The following PDS5A variants were observed in gnomAD, a reference collection of about 807,000 sequenced individuals.
PDS5A encodes the protein PDS5 cohesin associated factor A.
In PDS5A, 42 loss-of-function variants were observed where a neutral mutation model predicts 167.1. That is an observed-to-expected ratio of 0.25 (90% CI 0.20 to 0.33). The LOEUF is 0.33. Ranked by LOEUF, PDS5A falls within the 10% of genes least tolerant of loss-of-function variation. PDS5A has a pLI of 1.00. For missense variants in PDS5A, 1,033 were observed against 1,605.9 expected (o/e 0.64, Z 6.10); for synonymous variants, 553 against 554.6 (o/e 1.00, Z 0.04).
rs1560402812 is a variant in PDS5A at position 39,824,690 on chromosome 4, G to C, written c.*795C>G. ...TCCAAATATTCCAACATAATCACAG[G>C]AGTAAAAACCATTTTAAAGTGATAT... is the stretch of plus-strand genomic sequence containing the variant. On this transcript the variant is annotated 3_prime_UTR_variant, in exon 33 of 33. Transcript: ENST00000303538. The C allele has an allele frequency of 6.6e-6, 1 of 152,356 alleles. No individual in the cohort carries two copies. The highest frequency in any genetic ancestry group is 2.4e-5 in the African/African-American group (1 of 41,352). The allele number at this position is 152,356 out of a possible 1,614,324, so 9.4% of individuals were successfully genotyped here.
At chr4:39,972,058 A>C (rs1027396562) in intron 2 of PDS5A, among the ~76,000 whole-genome samples, 1 of 152,186 alleles carries the variant, frequency 6.6e-6, no homozygotes, top group Non-Finnish European at 1.5e-5. Flanking sequence ...ATGAACGTCG[A>C]TTTTAACTTC....
At chr4:39,930,246 A>AAGGTTTTTT in intron 2 of PDS5A, among the ~76,000 whole-genome samples, 1 of 93,090 alleles carries the variant, frequency 1.1e-5, no homozygotes, top group Non-Finnish European at 2.2e-5. Flanking sequence ...AAAAAAAAAA[A>AAGGTTTTTT]GTTTTTTTGT....
At chr4:39,908,020 G>A (rs1723548144) in intron 11 of PDS5A, among the ~76,000 whole-genome samples, 1 of 152,144 alleles carries the variant, frequency 6.6e-6, no homozygotes, top group African/African-American at 2.4e-5. Context: ...TCAATGAATG[G>A]CAGACCCAGC....
At chr4:39,899,335 T>A (rs1024216086) in intron 14 of PDS5A, among the ~76,000 whole-genome samples, 1 of 152,186 alleles carries the variant, frequency 6.6e-6, no homozygotes, top group African/African-American at 2.4e-5. Context: ...ACATTACTTA[T>A]TAGTTTTCAT....
At chr4:39,976,361 G>T in intron 2 of PDS5A, 79 bp downstream of exon 2, 1 of 1,260,086 alleles carries the variant, frequency 7.9e-7, no homozygotes, top group Non-Finnish European at 1.1e-6. Flanking sequence ...GAACTTTAAA[G>T]GCCAGACTGA....
chr4:39,862,662 G>T (rs973511381), intron 25 of PDS5A, among the ~76,000 whole-genome samples: 1 of 152,020 alleles, frequency 6.6e-6, no homozygotes, highest in Non-Finnish European at 1.5e-5. Flanking sequence ...GATCCCATAG[G>T]AAAAATGCAG....
chr4:39,900,462 A>C lies in PDS5A; in HGVS notation c.1545T>G (p.His515Gln). 1 of 1,584,862 alleles carries C rather than the reference A, an allele frequency of 6.3e-7. No individual in the cohort carries two copies. The highest frequency in any genetic ancestry group is 8.6e-7 in the Non-Finnish European group (1 of 1,163,652). Residue 515 changes from histidine (H) to glutamine (Q), a missense_variant, in exon 14 of 33, where the codon CAT becomes CAG. His to Gln is a conservative substitution (Grantham distance 24, BLOSUM62 0). This residue lies in a region of PDS5A where 45 missense variants were observed against 40.2 expected (regional missense o/e 1.12). Coordinates refer to ENST00000303538, the MANE Select transcript of PDS5A (RefSeq NM_001100399.2). ...MWKCQNMLRS[H>Q]VRELLDLHKQ... ...TGTGCAAATCCAATAGTTCGCGTACATGGCTCCGAAGCATGTTCTGACACT... is the reference window on the plus strand; with the variant it reads ...TGTGCAAATCCAATAGTTCGCGTACCTGGCTCCGAAGCATGTTCTGACACT...
chr4:39,848,530 T>C, intron 28 of PDS5A: 1 of 296,864 alleles, frequency 3.4e-6, no homozygotes, highest in South Asian at 3.3e-5. Flanking sequence ...CTCCTTACAC[T>C]GTGCCAAAGA....
At chr4:39,958,304 C>G (rs1247435071) in intron 2 of PDS5A, among the ~76,000 whole-genome samples, 2 of 151,914 alleles carry the variant, frequency 1.3e-5, no homozygotes, top group Non-Finnish European at 2.9e-5. Context: ...GTCAGGAGTT[C>G]AAGGTCAGCC....
At chr4:39,927,178 C>T (rs73229713) in intron 3 of PDS5A, among the ~76,000 whole-genome samples, 14,643 of 152,156 alleles carry the variant, frequency 0.096, 888 homozygotes, top group East Asian at 0.22. Flanking sequence ...CACCTTGCAT[C>T]GGGGCAAAAA....
rs1012356876 is a variant in PDS5A, at chr4:39,876,922, G to A, written c.2153+71C>T. On this transcript the variant is annotated intron_variant, in intron 19 of 32. Transcript: ENST00000303538. Reference sequence around the variant, plus strand: ...TCCCTCCTATCTTCCTACACAGAAGGAAAACAATGATTTTATGGTTCCCAT... The same window carrying A: ...TCCCTCCTATCTTCCTACACAGAAGAAAAACAATGATTTTATGGTTCCCAT... The A allele has an allele frequency of 4.3e-6, 5 of 1,175,172 alleles. No homozygotes were observed. In the East Asian group the frequency reaches 7.4e-5, roughly 17 times the overall value. The allele number at this position is 1,175,172 out of a possible 1,614,324, so 72.8% of individuals were successfully genotyped here. A position where few individuals can be genotyped will look rare whatever the true frequency, so the allele number is the denominator to read the frequency against.
chr4:39,883,204 T>G (rs898058526), intron 17 of PDS5A, among the ~76,000 whole-genome samples: 1 of 152,140 alleles, frequency 6.6e-6, no homozygotes, highest in Middle Eastern at 3.2e-3. Context: ...AAGAAGAAGA[T>G]GGAGTCTCAC....
chr4:39,961,425 T>G (rs573899542), intron 2 of PDS5A, among the ~76,000 whole-genome samples: 3 of 152,042 alleles, frequency 2.0e-5, no homozygotes, highest in Admixed American at 2.0e-4. Flanking sequence ...TGCCCGCTAA[T>G]TTTTTTTGTA....
intron 2 of PDS5A, among the ~76,000 whole-genome samples, chr4:39,964,297 C>T (rs1729771853): frequency 6.6e-6 from 1 of 152,034 alleles, no homozygotes; most frequent in South Asian, 2.1e-4. Flanking sequence ...GCTAGAGGTT[C>T]AAATGGAGGT....
chr4:39,841,837 G>C, intron 31 of PDS5A, 111 bp downstream of exon 31: 1 of 646,382 alleles, frequency 1.5e-6, no homozygotes, highest in Non-Finnish European at 2.8e-6. Flanking sequence ...ATACACACAA[G>C]TTTAAAATGT....
intron 13 of PDS5A, 25 bp downstream of exon 13, chr4:39,902,322 A>G (rs762695765): frequency 1.0e-6 from 1 of 1,004,000 alleles, no homozygotes; most frequent in Non-Finnish European, 1.5e-6. Context: ...TAGAAAATAC[A>G]GCAGTTATTT....
intron 31 of PDS5A, 27 bp from the exon 32 acceptor site, chr4:39,838,235 A>G (rs1184773645): frequency 7.2e-7 from 1 of 1,387,226 alleles, no homozygotes; most frequent in Non-Finnish European, 9.7e-7. Flanking sequence ...CAATTCTATA[A>G]ACACAAATTC....
intron 26 of PDS5A, among the ~76,000 whole-genome samples, chr4:39,852,530 T>C (rs547938807): frequency 1.4e-4 from 21 of 152,230 alleles, no homozygotes; most frequent in Non-Finnish European, 2.8e-4. Flanking sequence ...TTCACCTTTT[T>C]GCCGTAACTG....
At chr4:39,832,771 C>T (rs1716023562) in intron 32 of PDS5A, among the ~76,000 whole-genome samples, 1 of 152,048 alleles carries the variant, frequency 6.6e-6, no homozygotes, top group South Asian at 2.1e-4. Flanking sequence ...AAGAGGATTG[C>T]TTGAGCCTCA....
Sources: gnomAD v4.1 joint callset for allele counts (sites outside exome capture counted in the v4.1 genomes callset) on GRCh38, gnomAD v4.1.1 for gene constraint, gnomAD v4.1.1 regional missense constraint, MANE v1.5 for transcripts, NCBI Gene and HGNC (gene_info 2026-07-23, HGNC 2026-07-21) for gene names.